GSG1L: variants seen among roughly 807,000 people sequenced by gnomAD.
GSG1L encodes the protein GSG1 like, also known as germ cell-specific gene 1-like protein.
In GSG1L, 24 loss-of-function variants were observed where a neutral mutation model predicts 42.1. The observed-to-expected ratio is 0.57, with a 90% CI of 0.41 to 0.80. The LOEUF is 0.80. Among genes scored for constraint, GSG1L ranks in the 30% least tolerant of loss-of-function variants. The probability of loss-of-function intolerance (pLI) is 0.00; values close to 1 mark genes in which losing one functional copy is unlikely to be tolerated. For missense variants in GSG1L, 445 were observed against 472.2 expected, an observed-to-expected ratio of 0.94 and a Z score of 0.53; for synonymous variants, 215 against 203.5, an observed-to-expected ratio of 1.06 and a Z score of -0.48.
intron 5 of GSG1L, among the ~76,000 whole-genome samples, chr16:27,811,254 C>T (rs2083027789): frequency 6.6e-6 from 1 of 152,126 alleles, no homozygotes; most frequent in Non-Finnish European, 1.5e-5. Flanking sequence ...TTGAGTACAC[C>T]TAGATCTCAC....
At chr16:27,882,694 A>C (rs2083974726) in intron 3 of GSG1L, among the ~76,000 whole-genome samples, 1 of 151,594 alleles carries the variant, frequency 6.6e-6, no homozygotes, top group African/African-American at 2.4e-5. Context: ...TGCCCACCCC[A>C]CTCATCCCGA....
At chr16:28,023,344 C>T (rs887095615) in intron 1 of GSG1L, among the ~76,000 whole-genome samples, 2 of 152,134 alleles carry the variant, frequency 1.3e-5, no homozygotes, top group South Asian at 4.1e-4. Context: ...AATGAATATT[C>T]CACAATTCAT....
At chr16:27,888,011 G>T in intron 2 of GSG1L, 1 of 743,416 alleles carries the variant, frequency 1.3e-6, no homozygotes, top group Non-Finnish European at 1.6e-6. Context: ...GAGCCTGCAG[G>T]AGGGTGGCCG....
intron 6 of GSG1L, among the ~76,000 whole-genome samples, chr16:27,806,868 C>G (rs978097425): frequency 6.6e-6 from 1 of 152,132 alleles, no homozygotes; most frequent in African/African-American, 2.4e-5. Context: ...CTGGGGTAAG[C>G]AAGGATATGA....
chr16:27,900,129 ACT>A, intron 2 of GSG1L, among the ~76,000 whole-genome samples: 1 of 152,234 alleles, frequency 6.6e-6, no homozygotes, highest in South Asian at 2.1e-4. Flanking sequence ...AAACCCAGAC[ACT>A]GTTTCCTGGG....
intron 2 of GSG1L, among the ~76,000 whole-genome samples, chr16:27,923,989 C>T (rs1567520514): frequency 1.3e-5 from 2 of 151,912 alleles, no homozygotes; most frequent in Non-Finnish European, 2.9e-5. Flanking sequence ...GCCTCAGTCT[C>T]CTCAAAGTAA....
intron 1 of GSG1L, among the ~76,000 whole-genome samples, chr16:28,006,788 C>A (rs150101376): frequency 6.6e-6 from 1 of 152,280 alleles, no homozygotes; most frequent in African/African-American, 2.4e-5. Context: ...TCTGGTCAAC[C>A]AAGCCCTCCG....
At chr16:27,890,576 C>T (rs2084114188) in intron 2 of GSG1L, among the ~76,000 whole-genome samples, 1 of 152,186 alleles carries the variant, frequency 6.6e-6, no homozygotes, top group Non-Finnish European at 1.5e-5. Flanking sequence ...GGCTGTGCAC[C>T]TATGAACCTG....
At chr16:27,960,397 C>T (rs921408948) in intron 2 of GSG1L, among the ~76,000 whole-genome samples, 1 of 152,052 alleles carries the variant, frequency 6.6e-6, no homozygotes, top group Non-Finnish European at 1.5e-5. Flanking sequence ...CAGTAACTAC[C>T]GTATGAAAGC....
intron 3 of GSG1L, among the ~76,000 whole-genome samples, chr16:27,863,966 A>C (rs1468788005): frequency 6.6e-6 from 1 of 152,230 alleles, no homozygotes; most frequent in Non-Finnish European, 1.5e-5. Flanking sequence ...ATTTGGCATT[A>C]TACAGAGCAT....
At chr16:27,843,396 G>A (rs1301399414) in intron 4 of GSG1L, among the ~76,000 whole-genome samples, 1 of 150,778 alleles carries the variant, frequency 6.6e-6, no homozygotes. Context: ...TCATAACCAG[G>A]ATTTTAGCTG....
chr16:27,911,279 CT>C (rs1481254148), intron 2 of GSG1L, among the ~76,000 whole-genome samples: 1 of 107,976 alleles, frequency 9.3e-6, no homozygotes, highest in Non-Finnish European at 2.2e-5. Context: ...CTCTCTCTCT[CT>C]CTCTCTCTCT....
At chr16:27,917,954 C>T (rs1208129033) in intron 2 of GSG1L, among the ~76,000 whole-genome samples, 1 of 152,064 alleles carries the variant, frequency 6.6e-6, no homozygotes, top group African/African-American at 2.4e-5. Flanking sequence ...AAAAAAATCC[C>T]TGATTTTTAG....
chr16:27,979,568 A>C (rs147943489), intron 1 of GSG1L, among the ~76,000 whole-genome samples: 51,582 of 125,306 alleles, frequency 0.41, 10,933 homozygotes, highest in South Asian at 0.54. Flanking sequence ...GAATCCATCA[A>C]AAAAAAAAAA....
At chr16:27,795,942 T>C (rs2082813224) in intron 6 of GSG1L, among the ~76,000 whole-genome samples, 1 of 152,156 alleles carries the variant, frequency 6.6e-6, no homozygotes, top group African/African-American at 2.4e-5. Context: ...ACATCTACTG[T>C]TCCAAAATGG....
rs530339027 is a variant in GSG1L, at chr16:27,841,126, C to A, written c.662+3824G>T. Among the ~76,000 whole-genome samples the A allele has an allele frequency of 5.1e-4, 77 of 152,312 alleles. 3 individuals are homozygous for A. In the South Asian group the frequency reaches 0.016, roughly 32 times the overall value. ...GAGAAATGGAATACAATTCAAGAGA[C>A]CCCCATGAGGCGGAAATTCGGGCTG... On this transcript the variant is annotated intron_variant, in intron 4 of 6. Transcript: ENST00000447459.
At chr16:27,850,777 A>C (rs1567486123) in intron 3 of GSG1L, among the ~76,000 whole-genome samples, 1 of 151,420 alleles carries the variant, frequency 6.6e-6, no homozygotes, top group Non-Finnish European at 1.5e-5. Flanking sequence ...TACATGTAAT[A>C]CATCTATCTA....
chr16:27,974,766 C>T (rs111526313), intron 1 of GSG1L, among the ~76,000 whole-genome samples: 2,000 of 152,284 alleles, frequency 0.013, 29 homozygotes, highest in Non-Finnish European at 0.018. Flanking sequence ...CCTGTGGGGA[C>T]TGGGTGACCG....
intron 2 of GSG1L, among the ~76,000 whole-genome samples, chr16:27,929,765 T>C (rs2084635478): frequency 6.6e-6 from 1 of 152,162 alleles, no homozygotes; most frequent in Non-Finnish European, 1.5e-5. Flanking sequence ...GTGAGATTGA[T>C]GAGGTGAAGC....
Sources: gnomAD v4.1 joint callset for allele counts (sites outside exome capture counted in the v4.1 genomes callset) on GRCh38, gnomAD v4.1.1 for gene constraint, MANE v1.5 for transcripts, NCBI Gene and HGNC (gene_info 2026-07-23, HGNC 2026-07-21) for gene names.